The following SPAG16 variants were observed in gnomAD, a reference collection of about 807,000 sequenced individuals.
SPAG16 encodes the protein sperm associated antigen 16, also known as sperm-associated antigen 16 protein.
SPAG16 carries 86 observed loss-of-function variants against 80.4 expected under a neutral mutation model. The observed-to-expected ratio is 1.07, with a 90% CI of 0.90 to 1.28. SPAG16 has a LOEUF of 1.28. Ranked by LOEUF, SPAG16 falls within the 50% of genes most tolerant of loss-of-function variation. The pLI, the probability that SPAG16 is intolerant of heterozygous loss-of-function variation, is 0.00. For missense variants in SPAG16, 870 were observed against 765.3 expected (o/e 1.14, Z -1.61); for synonymous variants, 294 against 265.9 (o/e 1.11, Z -1.03).
chr2:213,971,495 A>G (rs1209915459), intron 12 of SPAG16, among the ~76,000 whole-genome samples: 6 of 147,486 alleles, frequency 4.1e-5, no homozygotes, highest in Middle Eastern at 3.6e-3. Context: ...ATGTTAAAAC[A>G]TATGTAACAC....
chr2:213,502,047 T>G (rs1211955125), intron 10 of SPAG16, among the ~76,000 whole-genome samples: 1 of 152,190 alleles, frequency 6.6e-6, no homozygotes, highest in African/African-American at 2.4e-5. Flanking sequence ...ATTTTTTAAT[T>G]TAAATAGTGG....
chr2:214,103,566 T>A (rs1576210369), intron 13 of SPAG16, among the ~76,000 whole-genome samples: 1 of 152,262 alleles, frequency 6.6e-6, no homozygotes, highest in East Asian at 1.9e-4. Context: ...TAAGGACATG[T>A]GTATATCTAG....
chr2:214,352,245 C>CT lies in SPAG16; in HGVS notation c.1721-57891dup, dbSNP rs141065039. On this transcript the variant is annotated intron_variant, in intron 15 of 15. Transcript: ENST00000331683. ...AACAGAGTATAGCAATGAGTTAGTA[C>CT]TTTTCAGTTAACAAACAAGTATCTC... Among the ~76,000 whole-genome samples the CT allele has an allele frequency of 4.4e-3, 672 of 152,256 alleles. 4 individuals are homozygous for CT. The highest frequency in any genetic ancestry group is 0.015 in the African/African-American group (641 of 41,556).
intron 9 of SPAG16, among the ~76,000 whole-genome samples, chr2:213,454,828 C>T (rs188052682): frequency 1.9e-4 from 29 of 152,220 alleles, no homozygotes; most frequent in Admixed American, 1.2e-3. Flanking sequence ...GGTCAGTTTA[C>T]GTTATTGTCT....
chr2:213,350,664 C>G lies in SPAG16; in HGVS notation c.762+19C>G. The G allele has an allele frequency of 7.3e-7, 1 of 1,360,624 alleles. No individual in the cohort carries two copies. The highest frequency in any genetic ancestry group is 1.0e-6 in the Non-Finnish European group (1 of 990,682). The allele number at this position is 1,360,624 out of a possible 1,614,324, so 84.3% of individuals were successfully genotyped here. On this transcript the variant is annotated intron_variant, in intron 7 of 15. Transcript: ENST00000331683. ...TGGGCAGGTAAAGATATAGTCAAAGCTAACTTAAAATGATCTTTTAATCAT... is the reference window on the plus strand; with the variant it reads ...TGGGCAGGTAAAGATATAGTCAAAGGTAACTTAAAATGATCTTTTAATCAT...
chr2:213,328,670 C>T (rs933416846), intron 5 of SPAG16, among the ~76,000 whole-genome samples: 1 of 152,148 alleles, frequency 6.6e-6, no homozygotes, highest in African/African-American at 2.4e-5. Context: ...CTTTTCCTGT[C>T]TCTTTGTCCA....
At chr2:213,358,161 C>G (rs1017679869) in intron 7 of SPAG16, among the ~76,000 whole-genome samples, 1 of 152,146 alleles carries the variant, frequency 6.6e-6, no homozygotes, top group Non-Finnish European at 1.5e-5. Flanking sequence ...TTTATGTAAC[C>G]TGCCCTCTCT....
intron 10 of SPAG16, among the ~76,000 whole-genome samples, chr2:213,603,890 T>A (rs2061158096): frequency 6.6e-6 from 1 of 152,064 alleles, no homozygotes; most frequent in Non-Finnish European, 1.5e-5. Context: ...CTTTTCTCTT[T>A]CCGTATTATC....
chr2:214,038,008 T>TA (rs755961802), intron 13 of SPAG16, among the ~76,000 whole-genome samples: 2 of 151,948 alleles, frequency 1.3e-5, no homozygotes, highest in Non-Finnish European at 2.9e-5. Context: ...AAATTGAAAA[T>TA]AATTTCCTTC....
chr2:214,200,506 T>C (rs1011174012), intron 15 of SPAG16, among the ~76,000 whole-genome samples: 9 of 152,150 alleles, frequency 5.9e-5, no homozygotes, highest in Non-Finnish European at 1.3e-4. Context: ...TGTTGAGGAC[T>C]TTTGCATCTA....
At chr2:213,668,579 A>T (rs1421868627) in intron 10 of SPAG16, among the ~76,000 whole-genome samples, 3 of 152,282 alleles carry the variant, frequency 2.0e-5, no homozygotes, top group East Asian at 3.9e-4. Context: ...TTTGGGTATC[A>T]GGTTGCATTA....
chr2:214,076,952 G>A (rs1393649903), intron 13 of SPAG16, among the ~76,000 whole-genome samples: 2 of 152,222 alleles, frequency 1.3e-5, no homozygotes, highest in South Asian at 2.1e-4. Flanking sequence ...ATATATGATG[G>A]ACTTTGGAAA....
At chr2:213,531,822 T>A (rs2076078669) in intron 10 of SPAG16, among the ~76,000 whole-genome samples, 1 of 152,184 alleles carries the variant, frequency 6.6e-6, no homozygotes, top group Non-Finnish European at 1.5e-5. Context: ...TACACAATCA[T>A]ATGAATATGA....
intron 12 of SPAG16, among the ~76,000 whole-genome samples, chr2:213,932,182 A>T (rs1289580659): frequency 8.5e-4 from 17 of 20,012 alleles, no homozygotes; most frequent in African/African-American, 1.4e-3. Context: ...ATATATATAT[A>T]TATATATATA....
chr2:214,354,211 A>C (rs1482481406), intron 15 of SPAG16, among the ~76,000 whole-genome samples: 2 of 152,094 alleles, frequency 1.3e-5, no homozygotes, highest in Admixed American at 6.6e-5. Flanking sequence ...TCAGCTTTCT[A>C]CATATGGCTA....
At chr2:213,347,571 T>A (rs1277089587) in intron 6 of SPAG16, among the ~76,000 whole-genome samples, 1 of 152,226 alleles carries the variant, frequency 6.6e-6, no homozygotes, top group Non-Finnish European at 1.5e-5. Flanking sequence ...GTCCCAGAGA[T>A]TCTGGTATGT....
chr2:214,100,686 C>A (rs970137237), intron 13 of SPAG16, among the ~76,000 whole-genome samples: 20 of 152,102 alleles, frequency 1.3e-4, no homozygotes, highest in Admixed American at 3.9e-4. Flanking sequence ...ATAATGACCT[C>A]CAGCTCTATC....
chr2:213,727,075 A>G (rs1187193927), intron 10 of SPAG16, among the ~76,000 whole-genome samples: 1 of 152,190 alleles, frequency 6.6e-6, no homozygotes, highest in Non-Finnish European at 1.5e-5. Context: ...ACGATCCCCA[A>G]CTTCTCAAGA....
intron 15 of SPAG16, among the ~76,000 whole-genome samples, chr2:214,209,965 C>T (rs541847619): frequency 1.3e-5 from 2 of 152,178 alleles, no homozygotes; most frequent in South Asian, 4.1e-4. Flanking sequence ...ACATTTTTCT[C>T]ACCAAGAAAA....
Sources: allele counts gnomAD v4.1 joint callset (sites outside exome capture counted in the v4.1 genomes callset), GRCh38; gene constraint gnomAD v4.1.1; transcripts MANE v1.5; gene names NCBI Gene and HGNC (gene_info 2026-07-23, HGNC 2026-07-21).